Variants in BTNL9 observed in about 807,000 individuals in gnomAD.
BTNL9 encodes the protein butyrophilin-like protein 9.
BTNL9 carries 45 observed loss-of-function variants against 45.8 expected under a neutral mutation model. The ratio of observed to expected loss-of-function variants is 0.98; its 90% CI spans 0.77 to 1.26. The LOEUF is 1.26. BTNL9 is among the 50% of genes most tolerant of loss of function. The probability of loss-of-function intolerance (pLI) is 0.00; values close to 1 mark genes in which losing one functional copy is unlikely to be tolerated. For synonymous variants in BTNL9, 346 were observed against 330.8 expected (o/e 1.05, Z -0.50); for missense variants, 784 against 729.7 (o/e 1.07, Z -0.86).
At position 181,053,718 on chromosome 5, in the gene BTNL9, G is replaced by A; in HGVS notation, c.886+217G>A. 1 of 1,513,570 alleles carries A rather than the reference G, an allele frequency of 6.6e-7. No individual in the cohort carries two copies. The highest frequency in any genetic ancestry group is 8.9e-7 in the Non-Finnish European group (1 of 1,129,842). The allele number at this position is 1,513,570 out of a possible 1,614,324, so 93.8% of individuals were successfully genotyped here. The stretch of plus-strand genomic sequence containing the variant: ...ACGGCTGCATTTTCCACGGAGGCTA[G>A]TGCACAGATGTCAGGGTTGACCGGC... On this transcript the variant is annotated intron_variant, in intron 6 of 10. Coordinates refer to ENST00000327705, the MANE Select transcript of BTNL9 (RefSeq NM_152547.5). The surrounding 1 kb of genome is among the most constrained non-coding windows in gnomAD (Gnocchi z 6.5).
chr5:181,048,747 A>C (rs892290669), intron 3 of BTNL9, among the ~76,000 whole-genome samples: 8 of 53,340 alleles, frequency 1.5e-4, no homozygotes, highest in South Asian at 6.5e-4. Context: ...ATCTATCTAT[A>C]TATATAGATA....
intron 7 of BTNL9, chr5:181,054,868 A>G: frequency 4.1e-6 from 4 of 985,452 alleles, no homozygotes; most frequent in Non-Finnish European, 4.8e-6. Flanking sequence ...TATAGTCTGA[A>G]TTGTAAGTCA....
At position 181,045,482 on chromosome 5, in the gene BTNL9, G is replaced by A. The variant is rs776624538; in HGVS notation, c.-8G>A. 6 of 1,590,232 alleles carry A rather than the reference G, an allele frequency of 3.8e-6. No individual in the cohort carries two copies. The East Asian group carries it at 1.3e-4, about 36-fold the overall frequency. ...CCCTCTCCAGGTGGCCCCCACTGCTGACGAGAGATGGTGGACCTCTCAGTC... is the reference window on the plus strand; with the variant it reads ...CCCTCTCCAGGTGGCCCCCACTGCTAACGAGAGATGGTGGACCTCTCAGTC... On this transcript the variant is annotated 5_prime_UTR_variant, in exon 2 of 11. Coordinates refer to ENST00000327705, the MANE Select transcript of BTNL9 (RefSeq NM_152547.5).
At chr5:181,056,074 A>G (rs1330979776) in intron 9 of BTNL9, 59 bp downstream of exon 9, 2 of 1,583,330 alleles carry the variant, frequency 1.3e-6, no homozygotes, top group African/African-American at 2.7e-5. Flanking sequence ...ACCCCAGTCC[A>G]ACTCACCTGA....
At position 181,053,476 on chromosome 5, in the gene BTNL9, G is replaced by A; in HGVS notation, c.861G>A (p.Leu287=). 1.3e-6 allele frequency: 2 copies of A among 1,577,916 alleles called. No individual in the cohort carries two copies. Among genetic ancestry groups the A allele is most frequent in the South Asian group, 1.2e-5 (1 of 86,170 alleles). ...GCTCCCGTTTCCCTTCAGAAAAGCTGAGGAAGCAGGCGGAGAAGAGACAAG... is the reference window on the plus strand; with the variant it reads ...GCTCCCGTTTCCCTTCAGAAAAGCTAAGGAAGCAGGCGGAGAAGAGACAAG... ...LRKQRRSREK[L]RKQAEKRQEK... Residue 287 remains leucine (L), a synonymous_variant, in exon 6 of 11, where the codon CTG becomes CTA. Coordinates refer to ENST00000327705, the MANE Select transcript of BTNL9 (RefSeq NM_152547.5). This position sits in a 1 kb window ranked among gnomAD's most constrained non-coding sequence, Gnocchi z 6.5.
chr5:181,056,366 T>A (rs1761882058), intron 9 of BTNL9, among the ~76,000 whole-genome samples: 2 of 152,230 alleles, frequency 1.3e-5, no homozygotes, highest in Admixed American at 1.3e-4. Flanking sequence ...GTATATATTT[T>A]GTATATATTC....
At chr5:181,054,763 C>A (rs2113237060) in intron 7 of BTNL9, 1 of 985,294 alleles carries the variant, frequency 1.0e-6, no homozygotes, top group East Asian at 1.1e-4. Context: ...GGGGGCAATT[C>A]AGATGAAACT....
At position 181,050,944 on chromosome 5, in the gene BTNL9, C is replaced by T. The variant is rs1761496785; in HGVS notation, c.736+575C>T. On this transcript the variant is annotated intron_variant, in intron 4 of 10. Transcript: ENST00000327705. The surrounding 1 kb of genome is among the most constrained non-coding windows in gnomAD (Gnocchi z 4.9). ...TCTACTAAAATTACAAAAATTAGCC[C>T]GGCATAGTGGCAGGCGCCTGTAATC... is the stretch of plus-strand genomic sequence containing the variant. 1.3e-5 allele frequency among the ~76,000 whole-genome samples: 2 copies of T among 151,672 alleles called. No individual in the cohort carries two copies. Among genetic ancestry groups the T allele is most frequent in the Non-Finnish European group, 2.9e-5 (2 of 67,914 alleles).
In BTNL9 at chr5:181,061,238, GAA is replaced by G. The variant is rs2113278808; in HGVS notation, c.*1378_*1379del. The G allele has an allele frequency of 6.6e-6, 1 of 152,324 alleles. No individual in the cohort carries two copies. The highest frequency in any genetic ancestry group is 2.4e-5 in the African/African-American group (1 of 41,572). 9.4% of individuals were successfully genotyped at this position (152,324 alleles called of 1,614,324 possible). On this transcript the variant is annotated 3_prime_UTR_variant, in exon 11 of 11. Coordinates refer to ENST00000327705, the MANE Select transcript of BTNL9 (RefSeq NM_152547.5). ...TATAAAACATATGAATATAAAGAAA[GAA>G]AGAGACAAGTCAAATGTAGTAAAAT...
At chr5:181,051,314 C>T (rs2113210644) in intron 4 of BTNL9, among the ~76,000 whole-genome samples, 1 of 152,264 alleles carries the variant, frequency 6.6e-6, no homozygotes, top group South Asian at 2.1e-4. Context: ...ACAAACCCAA[C>T]ATACGGGCCA....
chr5:181,051,521 G>A (rs1290989781), intron 4 of BTNL9, among the ~76,000 whole-genome samples: 1 of 152,214 alleles, frequency 6.6e-6, no homozygotes, highest in African/African-American at 2.4e-5. Context: ...GGCCATCTGT[G>A]TGAGCCAACT....
chr5:181,047,508 C>G, intron 2 of BTNL9: 3 of 992,588 alleles, frequency 3.0e-6, no homozygotes, highest in Non-Finnish European at 3.6e-6. Context: ...TTTGATGTCT[C>G]CTTTCAGGTA....
At position 181,053,764 on chromosome 5, in the gene BTNL9, A is replaced by T. The variant is rs1394059222; in HGVS notation, c.886+263A>T. On this transcript the variant is annotated intron_variant, in intron 6 of 10. Transcript: ENST00000327705. The surrounding 1 kb of genome is among the most constrained non-coding windows in gnomAD (Gnocchi z 6.5). ...CCGGCTGCTGTCGTTACGCCCTCGG[A>T]GCTTCACATCACACTGTACAGAGGG... 2.0e-6 allele frequency: 3 copies of T among 1,516,662 alleles called. No individual in the cohort carries two copies. The highest frequency in any genetic ancestry group is 2.6e-6 in the Non-Finnish European group (3 of 1,134,242). The allele number at this position is 1,516,662 out of a possible 1,614,324, so 94.0% of individuals were successfully genotyped here. A position where few individuals can be genotyped will look rare whatever the true frequency, so the allele number is the denominator to read the frequency against.
rs1760801603 is a variant in BTNL9 at position 181,042,090 on chromosome 5, G to A, written c.-24+1658G>A. Among the ~76,000 whole-genome samples the A allele has an allele frequency of 6.6e-6, 1 of 152,168 alleles. No homozygotes were observed. The highest frequency in any genetic ancestry group is 1.5e-5 in the Non-Finnish European group (1 of 68,026). On this transcript the variant is annotated intron_variant, in intron 1 of 10. Transcript: ENST00000327705. This position sits in a 1 kb window ranked among gnomAD's most constrained non-coding sequence, Gnocchi z 4.5. ...GAGAACAGGAGTGGGGCGGGCTGGG[G>A]GCAATGAGAGAGCAAGAAGAAAAGA...
chr5:181,057,447 A>G (rs1293238316), intron 9 of BTNL9, among the ~76,000 whole-genome samples: 1 of 152,216 alleles, frequency 6.6e-6, no homozygotes, highest in Non-Finnish European at 1.5e-5. Flanking sequence ...GATGTGGGGA[A>G]CCACCTTTGA....
At position 181,053,599 on chromosome 5, in the gene BTNL9, G is replaced by C; in HGVS notation, c.886+98G>C. On this transcript the variant is annotated intron_variant, in intron 6 of 10. Transcript: ENST00000327705. This position sits in a 1 kb window ranked among gnomAD's most constrained non-coding sequence, Gnocchi z 6.5. ...TCCCGTTACGAGGGTTTATTCCAGC[G>C]CGAGGTGTCAGGGCGGCCACCGGGG... 1 of 1,549,342 alleles carries C rather than the reference G, an allele frequency of 6.5e-7. No individual in the cohort carries two copies. The highest frequency in any genetic ancestry group is 8.7e-7 in the Non-Finnish European group (1 of 1,146,192).
In BTNL9 at chr5:181,061,514, T is replaced by A. The variant is rs974913400; in HGVS notation, c.*1652T>A. The A allele has an allele frequency of 1.3e-5, 2 of 152,248 alleles. No individual in the cohort carries two copies. The highest frequency in any genetic ancestry group is 2.9e-5 in the Non-Finnish European group (2 of 68,036). The allele number at this position is 152,248 out of a possible 1,614,324, so 9.4% of individuals were successfully genotyped here. A position where few individuals can be genotyped will look rare whatever the true frequency, so the allele number is the denominator to read the frequency against. On this transcript the variant is annotated 3_prime_UTR_variant, in exon 11 of 11. Transcript: ENST00000327705. ...TTCTGTAATAAAGGGGAAAACACTTTTTTTAAATACTCATATTCAAAATCA... is the reference window on the plus strand; with the variant it reads ...TTCTGTAATAAAGGGGAAAACACTTATTTTAAATACTCATATTCAAAATCA...
In BTNL9 at chr5:181,059,862, AGGCGCCCTCGTGGCCGCGGGACT is replaced by A. The variant is rs1031567209; in HGVS notation, c.*4_*26del. The A allele has an allele frequency of 2.1e-5, 33 of 1,551,302 alleles. No homozygotes were observed. Among genetic ancestry groups the A allele is most frequent in the Non-Finnish European group, 2.8e-5 (32 of 1,153,540 alleles). ...CGGACCCCGCCCTGGACTGGTGGTG[AGGCGCCCTCGTGGCCGCGGGACT>A]GGCCCCGGGGGGCCCCCTGGATCCC... On this transcript the variant is annotated 3_prime_UTR_variant, in exon 11 of 11. Coordinates refer to ENST00000327705, the MANE Select transcript of BTNL9 (RefSeq NM_152547.5).
At chr5:181,045,310 C>A (rs1273401891) in intron 1 of BTNL9, among the ~76,000 whole-genome samples, 157 bp from the exon 2 acceptor site, 1 of 152,136 alleles carries the variant, frequency 6.6e-6, no homozygotes, top group Non-Finnish European at 1.5e-5. Flanking sequence ...GCAGCTCTCC[C>A]CTCTGGCCAT....
Sources: gnomAD v4.1 joint callset for allele counts (sites outside exome capture counted in the v4.1 genomes callset) on GRCh38, gnomAD v4.1.1 for gene constraint, Gnocchi (gnomAD v3.1) non-coding constraint, MANE v1.5 for transcripts, NCBI Gene and HGNC (gene_info 2026-07-23, HGNC 2026-07-21) for gene names.